C12orf42: variants seen among roughly 807,000 people sequenced by gnomAD.
C12orf42 encodes the protein chromosome 12 open reading frame 42.
Under a neutral mutation model 21.6 loss-of-function variants are expected in C12orf42, and 25 were observed. The observed-to-expected ratio is 1.16, with a 90% CI of 0.84 to 1.62. C12orf42 has a LOEUF of 1.62. C12orf42 is among the 40% of genes most tolerant of loss of function. The pLI is 0.00. For synonymous variants in C12orf42, 174 were observed against 175.0 expected (o/e 0.99, Z 0.05); for missense variants, 483 against 459.3 (o/e 1.05, Z -0.47).
the C12orf42 span, among the ~76,000 whole-genome samples, chr12:103,059,327 A>AATTAAT: frequency 6.6e-6 from 1 of 152,334 alleles, no homozygotes; most frequent in African/African-American, 2.4e-5. Flanking sequence ...AAACTGAGGC[A>AATTAAT]GTAATTAATA....
At chr12:103,128,147 A>T in the C12orf42 span, among the ~76,000 whole-genome samples, 2 of 152,172 alleles carry the variant, frequency 1.3e-5, no homozygotes, top group Non-Finnish European at 2.9e-5. Flanking sequence ...ACCACCAACA[A>T]TTTGAGGGGA....
chr12:103,462,855 T>A (rs781234776), intron 2 of C12orf42, among the ~76,000 whole-genome samples: 1 of 152,174 alleles, frequency 6.6e-6, no homozygotes, highest in Non-Finnish European at 1.5e-5. Context: ...CATCTTTTGT[T>A]TTTCACTTCC....
At chr12:103,483,189 A>T (rs1474421596) in intron 1 of C12orf42, among the ~76,000 whole-genome samples, 1 of 152,142 alleles carries the variant, frequency 6.6e-6, no homozygotes, top group African/African-American at 2.4e-5. Context: ...AAGCACCAAG[A>T]GTGAACTCTA....
At chr12:103,256,097 TATATATATATATATACACACAC>T (rs1465118082) in intron 10 of C12orf42, among the ~76,000 whole-genome samples, 1 of 34,184 alleles carries the variant, frequency 2.9e-5, no homozygotes, top group Non-Finnish European at 5.8e-5. Flanking sequence ...TATATATATA[TATATATATATATATACACACAC>T]ACACACACAC....
chr12:103,430,057 C>T (rs1438999653), intron 2 of C12orf42, among the ~76,000 whole-genome samples: 2 of 152,128 alleles, frequency 1.3e-5, no homozygotes, highest in African/African-American at 4.8e-5. Context: ...AGGACATAGG[C>T]ATGGGCAAAG....
intron 3 of C12orf42, among the ~76,000 whole-genome samples, chr12:103,401,319 C>A (rs551256566): frequency 5.3e-5 from 8 of 152,204 alleles, no homozygotes; most frequent in Admixed American, 4.6e-4. Flanking sequence ...CTGCAAAGAC[C>A]CCTAATGCAC....
At chr12:103,351,182 G>A (rs1431086079) in intron 4 of C12orf42, among the ~76,000 whole-genome samples, 2 of 152,108 alleles carry the variant, frequency 1.3e-5, no homozygotes, top group Admixed American at 6.5e-5. Context: ...ACTGTACATC[G>A]TGAACTGTAA....
the C12orf42 span, among the ~76,000 whole-genome samples, chr12:103,093,472 A>T: frequency 3.0e-4 from 46 of 152,294 alleles, no homozygotes; most frequent in African/African-American, 1.1e-3. Flanking sequence ...CTCAGTGTAA[A>T]CATTATATGT....
At chr12:103,259,895 G>C (rs2034806063) in intron 10 of C12orf42, among the ~76,000 whole-genome samples, 1 of 152,118 alleles carries the variant, frequency 6.6e-6, no homozygotes, top group Non-Finnish European at 1.5e-5. Context: ...TTCGTTTAAT[G>C]TCTGGCACAT....
chr12:103,350,196 T>C (rs542831940), intron 4 of C12orf42, among the ~76,000 whole-genome samples: 1 of 152,300 alleles, frequency 6.6e-6, no homozygotes, highest in South Asian at 2.1e-4. Context: ...AACCACAGTC[T>C]GAAAATATTA....
At chr12:103,224,381 G>A in the C12orf42 span, among the ~76,000 whole-genome samples, 1 of 152,178 alleles carries the variant, frequency 6.6e-6, no homozygotes, top group African/African-American at 2.4e-5. Context: ...TTGTACTATA[G>A]CATAACCTGC....
At chr12:103,109,076 T>G in the C12orf42 span, among the ~76,000 whole-genome samples, 1 of 152,164 alleles carries the variant, frequency 6.6e-6, no homozygotes, top group African/African-American at 2.4e-5. Flanking sequence ...GAGTTTTTCA[T>G]GAGCTTGATA....
At chr12:103,209,777 C>G in the C12orf42 span, among the ~76,000 whole-genome samples, 1 of 152,200 alleles carries the variant, frequency 6.6e-6, no homozygotes, top group African/African-American at 2.4e-5. Context: ...GCCAGTCAAG[C>G]CTTCCAGTCT....
chr12:103,234,370 T>C (rs1376889494), downstream of C12orf42, among the ~76,000 whole-genome samples: 4 of 152,180 alleles, frequency 2.6e-5, no homozygotes, highest in East Asian at 7.7e-4. Context: ...GTGATTGTTA[T>C]TCTAAAGAGA....
chr12:103,053,620 C>A, the C12orf42 span, among the ~76,000 whole-genome samples: 1 of 151,914 alleles, frequency 6.6e-6, no homozygotes, highest in Non-Finnish European at 1.5e-5. Context: ...TGAATTATCA[C>A]TTTTTAAAAA....
At chr12:103,226,888 G>A in the C12orf42 span, among the ~76,000 whole-genome samples, 1 of 152,150 alleles carries the variant, frequency 6.6e-6, no homozygotes, top group Non-Finnish European at 1.5e-5. Context: ...GGAAGGGACT[G>A]ATGTGTAAAA....
intron 2 of C12orf42, among the ~76,000 whole-genome samples, chr12:103,451,139 C>T (rs560211019): frequency 1.4e-4 from 21 of 152,144 alleles, no homozygotes; most frequent in African/African-American, 5.1e-4. Flanking sequence ...TTTATCTATG[C>T]CTCCAGGTTC....
At chr12:103,161,207 ACTGCTTAATC>A in the C12orf42 span, among the ~76,000 whole-genome samples, 2 of 152,196 alleles carry the variant, frequency 1.3e-5, no homozygotes, top group Non-Finnish European at 2.9e-5. Context: ...GAAAATCTTC[ACTGCTTAATC>A]CTGAATCCAA....
chr12:103,517,727 T>A, the C12orf42 span, among the ~76,000 whole-genome samples: 4 of 152,300 alleles, frequency 2.6e-5, no homozygotes, highest in African/African-American at 9.6e-5. Context: ...CTGGATTGTA[T>A]GTTGCTTATG....
Sources: gnomAD v4.1 joint callset for allele counts (sites outside exome capture counted in the v4.1 genomes callset) on GRCh38, gnomAD v4.1.1 for gene constraint, MANE v1.5 for transcripts, NCBI Gene and HGNC (gene_info 2026-07-23, HGNC 2026-07-21) for gene names.